Variants in KDM7A observed in about 807,000 individuals in gnomAD.
KDM7A encodes the protein lysine demethylase 7A, also known as lysine-specific demethylase 7A.
Under a neutral mutation model 114.8 loss-of-function variants are expected in KDM7A, and 28 were observed. The ratio of observed to expected loss-of-function variants is 0.24; its 90% confidence interval spans 0.18 to 0.33. KDM7A has a LOEUF of 0.33. Among genes scored for constraint, KDM7A ranks in the 10% least tolerant of loss-of-function variants. The probability of loss-of-function intolerance (pLI) is 1.00; values close to 1 mark genes in which losing one functional copy is unlikely to be tolerated. For missense variants in KDM7A, 942 were observed against 1,142.5 expected (o/e 0.82, Z 2.53); for synonymous variants, 423 against 397.8 (o/e 1.06, Z -0.75).
chr7:140,141,336 G>A (rs1794270124), intron 1 of KDM7A, among the ~76,000 whole-genome samples: 1 of 151,700 alleles, frequency 6.6e-6, no homozygotes, highest in African/African-American at 2.4e-5. Flanking sequence ...AGCATTCACA[G>A]AAAACAAAAA....
At chr7:140,138,589 T>C (rs1205499150) in intron 2 of KDM7A, among the ~76,000 whole-genome samples, 1 of 152,118 alleles carries the variant, frequency 6.6e-6, no homozygotes, top group African/African-American at 2.4e-5. Context: ...GGAAGGGGTT[T>C]CAGGCAGAGA....
rs575936072 is a variant in KDM7A, at chr7:140,090,902, C to A, written c.*192G>T. ...TTCTACCCTCCTTCTTCCTCTCCCC[C>A]ACCAGGTCCAAAATGGTTATTGCTG... On this transcript the variant is annotated 3_prime_UTR_variant, in exon 20 of 20. Transcript: ENST00000397560. 9.3e-5 allele frequency: 52 copies of A among 561,522 alleles called. No homozygotes were observed. The highest frequency in any genetic ancestry group is 8.9e-4 in the East Asian group (32 of 35,796). The allele number at this position is 561,522 out of a possible 1,614,324, so 34.8% of individuals were successfully genotyped here. A position where few individuals can be genotyped will look rare whatever the true frequency, so the allele number is the denominator to read the frequency against.
At chr7:140,096,812 C>CA in intron 16 of KDM7A, 49 bp from the exon 17 acceptor site, 1 of 1,592,816 alleles carries the variant, frequency 6.3e-7, no homozygotes, top group South Asian at 1.1e-5. Flanking sequence ...TTTCTGATGA[C>CA]ATTTTTGGTA....
chr7:140,097,408 C>T (rs185623591), intron 15 of KDM7A, 137 bp downstream of exon 15: 2 of 578,768 alleles, frequency 3.5e-6, no homozygotes, highest in Admixed American at 6.8e-5. Context: ...CACTGACCAC[C>T]ACAGAAGACC....
chr7:140,137,372 AGT>A (rs1818888680), intron 2 of KDM7A, among the ~76,000 whole-genome samples: 2 of 152,256 alleles, frequency 1.3e-5, no homozygotes, highest in African/African-American at 4.8e-5. Flanking sequence ...TCTGCCTCAT[AGT>A]AACTTACTTA....
chr7:140,131,796 T>C (rs1243725373), intron 3 of KDM7A, among the ~76,000 whole-genome samples: 1 of 152,224 alleles, frequency 6.6e-6, no homozygotes, highest in Non-Finnish European at 1.5e-5. Context: ...GACAAGTGTT[T>C]AAAATATAGG....
At chr7:140,164,572 T>C (rs1794554186) in intron 1 of KDM7A, among the ~76,000 whole-genome samples, 1 of 152,222 alleles carries the variant, frequency 6.6e-6, no homozygotes, top group Non-Finnish European at 1.5e-5. Context: ...GTGAACCTTA[T>C]TTAGATCTTG....
chr7:140,113,535 C>T lies in KDM7A; in HGVS notation c.1294G>A (p.Val432Met), dbSNP rs1484141196. 22 of 1,608,012 alleles carry T rather than the reference C, an allele frequency of 1.4e-5. No homozygotes were observed. The highest frequency in any genetic ancestry group is 1.7e-5 in the Non-Finnish European group (20 of 1,175,650). Residue 432 changes from valine (V) to methionine (M), a missense_variant, in exon 10 of 20, where the codon GTG (valine) becomes ATG (methionine). Physicochemically the swap from Val to Met is conservative, Grantham distance 21. Transcript: ENST00000397560. ...TTTAAAGCAGTATGCAGTGCTTTCA[C>T]TCCCTGTACTAGGTAAGTTTGAGGC... The part of the protein sequence containing the change: ...FQPQTYLVQG[V>M]KALHTALKLW...
chr7:140,166,462 T>C (rs1299041538), intron 1 of KDM7A, among the ~76,000 whole-genome samples: 1 of 151,132 alleles, frequency 6.6e-6, no homozygotes, highest in Non-Finnish European at 1.5e-5. Context: ...GCCTCAGCCT[T>C]CCAAGTAGCT....
intron 1 of KDM7A, among the ~76,000 whole-genome samples, chr7:140,156,982 C>A (rs997066409): frequency 6.6e-6 from 1 of 152,220 alleles, no homozygotes; most frequent in African/African-American, 2.4e-5. Flanking sequence ...CTTATCTCAG[C>A]ATCCTCCTAG....
rs1252777485 is a variant in KDM7A at position 140,089,015 on chromosome 7, C to T, written c.*2079G>A. On this transcript the variant is annotated 3_prime_UTR_variant, in exon 20 of 20. Coordinates refer to ENST00000397560, the MANE Select transcript of KDM7A (RefSeq NM_030647.2). ...AAAGGAAATTATAGCTCTTACACCT[C>T]GTATTTCTTAACCCAAAATAAAAAC... is the stretch of plus-strand genomic sequence containing the variant. 6.6e-6 allele frequency: 1 copy of T among 152,164 alleles called. No homozygotes were observed. The highest frequency in any genetic ancestry group is 1.5e-5 in the Non-Finnish European group (1 of 68,036). The allele number at this position is 152,164 out of a possible 1,614,324, so 9.4% of individuals were successfully genotyped here. A position where few individuals can be genotyped will look rare whatever the true frequency, so the allele number is the denominator to read the frequency against.
chr7:140,154,717 C>T (rs1418470849), intron 1 of KDM7A, among the ~76,000 whole-genome samples: 1 of 151,908 alleles, frequency 6.6e-6, no homozygotes, highest in African/African-American at 2.4e-5. Flanking sequence ...AAATACTGTA[C>T]CCAACCTCGG....
intron 18 of KDM7A, among the ~76,000 whole-genome samples, chr7:140,093,027 A>G (rs1818047784): frequency 6.6e-6 from 1 of 152,232 alleles, no homozygotes; most frequent in Non-Finnish European, 1.5e-5. Flanking sequence ...TTTCTTATGC[A>G]AGTAATTGCT....
chr7:140,095,620 G>A (rs1818094984), intron 17 of KDM7A: 1 of 284,966 alleles, frequency 3.5e-6, no homozygotes, highest in South Asian at 2.8e-5. Context: ...GCTCACACCT[G>A]TAATCTCAGC....
intron 8 of KDM7A, 86 bp from the exon 9 acceptor site, chr7:140,119,305 G>A: frequency 1.5e-6 from 1 of 687,710 alleles, no homozygotes. Context: ...AAAATAACCA[G>A]GTCATGATAT....
intron 1 of KDM7A, among the ~76,000 whole-genome samples, chr7:140,157,019 C>T (rs1315319717): frequency 1.3e-5 from 2 of 152,146 alleles, no homozygotes; most frequent in Admixed American, 6.5e-5. Flanking sequence ...GGAATATACA[C>T]AAAATGGCAT....
intron 1 of KDM7A, among the ~76,000 whole-genome samples, chr7:140,161,406 T>C (rs1403759041): frequency 2.0e-5 from 3 of 152,288 alleles, no homozygotes; most frequent in Non-Finnish European, 4.4e-5. Context: ...GTTAAAATGC[T>C]ACCAAAACTG....
At chr7:140,149,628 C>A (rs1395140678) in intron 1 of KDM7A, among the ~76,000 whole-genome samples, 2 of 152,180 alleles carry the variant, frequency 1.3e-5, no homozygotes, top group Non-Finnish European at 2.9e-5. Context: ...AATGTCTACA[C>A]AGACTAAAGA....
intron 1 of KDM7A, among the ~76,000 whole-genome samples, chr7:140,170,842 C>T (rs1474759020): frequency 6.6e-6 from 1 of 152,130 alleles, no homozygotes; most frequent in African/African-American, 2.4e-5. Context: ...AAACTCTTGG[C>T]CAAAGTCAAC....
Sources: gnomAD v4.1 joint callset for allele counts (sites outside exome capture counted in the v4.1 genomes callset) on GRCh38, gnomAD v4.1.1 for gene constraint, MANE v1.5 for transcripts, NCBI Gene and HGNC (gene_info 2026-07-23, HGNC 2026-07-21) for gene names.